Variants in RABGAP1L observed in about 807,000 individuals in gnomAD.
RABGAP1L encodes RAB GTPase activating protein 1 like, also known as rab GTPase-activating protein 1-like.
Under a neutral mutation model 137.7 loss-of-function variants are expected in RABGAP1L, and 63 were observed. The ratio of observed to expected loss-of-function variants is 0.46; its 90% confidence interval spans 0.37 to 0.56. The LOEUF is 0.56. RABGAP1L is among the 20% of genes least tolerant of loss of function. RABGAP1L has a pLI of 0.00. For synonymous variants in RABGAP1L, 431 were observed against 433.7 expected, an observed-to-expected ratio of 0.99 and a Z score of 0.08; for missense variants, 1,095 against 1,244.0, an observed-to-expected ratio of 0.88 and a Z score of 1.80.
At chr1:174,598,112 C>T (rs868307434) in intron 13 of RABGAP1L, among the ~76,000 whole-genome samples, 15 of 152,000 alleles carry the variant, frequency 9.9e-5, no homozygotes, top group Non-Finnish European at 1.6e-4. Flanking sequence ...GGGCAGATCA[C>T]GAGGTCAGGA....
chr1:174,794,663 A>G (rs1688110023), intron 18 of RABGAP1L, among the ~76,000 whole-genome samples: 1 of 152,076 alleles, frequency 6.6e-6, no homozygotes, highest in Admixed American at 6.6e-5. Flanking sequence ...TTACTCTTGG[A>G]TTTTTGTCTA....
chr1:174,410,482 C>T (rs1649794353), intron 13 of RABGAP1L, among the ~76,000 whole-genome samples: 1 of 152,128 alleles, frequency 6.6e-6, no homozygotes, highest in Non-Finnish European at 1.5e-5. Context: ...TAAGTCTTTT[C>T]ACCATTTATT....
At chr1:174,873,528 T>C (rs1174455942) in intron 19 of RABGAP1L, among the ~76,000 whole-genome samples, 9 of 126,048 alleles carry the variant, frequency 7.1e-5, no homozygotes, top group African/African-American at 2.0e-4. Context: ...TTTTTTTTTT[T>C]CCGAGATGGA....
chr1:174,429,962 T>C lies in RABGAP1L; in HGVS notation c.1710+35817T>C, dbSNP rs183540798. On this transcript the variant is annotated intron_variant, in intron 13 of 25. Coordinates refer to ENST00000681986, the MANE Select transcript of RABGAP1L (RefSeq NM_001366446.1). ...GTTACTGAATTTTGGTCACTAGTTA[T>C]TAGCAAGGAACATATGAAACTAAAG... 1.6e-3 allele frequency among the ~76,000 whole-genome samples: 245 copies of C among 152,318 alleles called. 4 individuals carry two copies. Among genetic ancestry groups the C allele is most frequent in the Non-Finnish European group, 2.0e-3 (133 of 68,030 alleles).
In RABGAP1L at chr1:174,520,500, C is replaced by T. The variant is rs534717196; in HGVS notation, c.1711-116875C>T. On this transcript the variant is annotated intron_variant, in intron 13 of 25. Transcript: ENST00000681986. Reference sequence around the variant, plus strand: ...AAACTGAATTGTTTTTACTTTCTCACTAATCATTTCTTGACTGCTATAGAA... The same window carrying T: ...AAACTGAATTGTTTTTACTTTCTCATTAATCATTTCTTGACTGCTATAGAA... Among the ~76,000 whole-genome samples the T allele has an allele frequency of 1.1e-4, 16 of 152,310 alleles. No homozygotes were observed. In the East Asian group the frequency reaches 3.1e-3, roughly 29 times the overall value.
rs1260112613 is a variant in RABGAP1L at position 174,326,681 on chromosome 1, A to C, written c.1465+21554A>C. Among the ~76,000 whole-genome samples, 3 of 152,338 alleles carry C rather than the reference A, an allele frequency of 2.0e-5. No homozygotes were observed. In the East Asian group the frequency reaches 5.8e-4, roughly 29 times the overall value. The stretch of plus-strand genomic sequence containing the variant: ...AAGAAAATTTTTGAAAACTGGAGAA[A>C]TATACAAATATCCAGGTATAACAAG... On this transcript the variant is annotated intron_variant, in intron 11 of 25. Coordinates refer to ENST00000681986, the MANE Select transcript of RABGAP1L (RefSeq NM_001366446.1).
At chr1:174,885,245 T>C (rs1310271618) in intron 19 of RABGAP1L, among the ~76,000 whole-genome samples, 1 of 152,216 alleles carries the variant, frequency 6.6e-6, no homozygotes, top group Non-Finnish European at 1.5e-5. Flanking sequence ...ACCTGTAAGA[T>C]TAAATCAAAA....
chr1:174,660,973 A>AT (rs1298158840), intron 14 of RABGAP1L, among the ~76,000 whole-genome samples: 4 of 152,124 alleles, frequency 2.6e-5, no homozygotes, highest in African/African-American at 7.2e-5. Context: ...TATGAGAGCA[A>AT]TTTTTTGTCC....
chr1:174,475,936 A>G (rs1217228232), intron 13 of RABGAP1L, among the ~76,000 whole-genome samples: 2 of 152,040 alleles, frequency 1.3e-5, no homozygotes, highest in Non-Finnish European at 2.9e-5. Flanking sequence ...ACATTATACC[A>G]GTATATAACA....
chr1:174,886,171 C>T (rs1655086567), intron 19 of RABGAP1L, among the ~76,000 whole-genome samples: 1 of 151,930 alleles, frequency 6.6e-6, no homozygotes, highest in African/African-American at 2.4e-5. Context: ...CACCACCACG[C>T]CTGGGTAATT....
chr1:174,743,899 A>AT, intron 17 of RABGAP1L, among the ~76,000 whole-genome samples: 1 of 151,946 alleles, frequency 6.6e-6, no homozygotes, highest in South Asian at 2.1e-4. Context: ...AAAAAACTGT[A>AT]TAACAAATAA....
At chr1:174,636,146 T>C (rs756855783) in intron 13 of RABGAP1L, among the ~76,000 whole-genome samples, 4 of 152,164 alleles carry the variant, frequency 2.6e-5, no homozygotes, top group Non-Finnish European at 5.9e-5. Flanking sequence ...ATCAAGAGAA[T>C]GTTTAATCAT....
At chr1:174,750,758 A>G (rs1684281392) in intron 17 of RABGAP1L, among the ~76,000 whole-genome samples, 1 of 152,236 alleles carries the variant, frequency 6.6e-6, no homozygotes, top group African/African-American at 2.4e-5. Flanking sequence ...AACAAGAACC[A>G]GAGAAATAGT....
intron 11 of RABGAP1L, among the ~76,000 whole-genome samples, chr1:174,357,014 G>A (rs1683700590): frequency 6.6e-6 from 1 of 152,106 alleles, no homozygotes; most frequent in Non-Finnish European, 1.5e-5. Context: ...ATGACATCTT[G>A]TATACTCTGT....
chr1:174,817,888 C>T (rs939796209), intron 19 of RABGAP1L, among the ~76,000 whole-genome samples: 1 of 152,094 alleles, frequency 6.6e-6, no homozygotes, highest in Non-Finnish European at 1.5e-5. Flanking sequence ...ACATGTGAGC[C>T]TCAGGGCAGA....
At chr1:174,530,485 A>G (rs1476683495) in intron 13 of RABGAP1L, among the ~76,000 whole-genome samples, 1 of 152,134 alleles carries the variant, frequency 6.6e-6, no homozygotes, top group Admixed American at 6.5e-5. Context: ...TGTTAGTTTC[A>G]GAGCCTGTAA....
At chr1:174,874,638 C>T (rs1213195742) in intron 19 of RABGAP1L, 1 of 399,082 alleles carries the variant, frequency 2.5e-6, no homozygotes, top group Non-Finnish European at 3.3e-6. Flanking sequence ...GCGATAACTG[C>T]AGACACTCAG....
chr1:174,789,987 C>T (rs905804119), intron 18 of RABGAP1L, among the ~76,000 whole-genome samples: 1 of 152,020 alleles, frequency 6.6e-6, no homozygotes, highest in Non-Finnish European at 1.5e-5. Context: ...GTGTGCAGAG[C>T]ACTGGAGGCC....
chr1:174,632,528 A>G (rs1386410243), intron 13 of RABGAP1L, among the ~76,000 whole-genome samples: 2 of 150,350 alleles, frequency 1.3e-5, no homozygotes, highest in Admixed American at 1.3e-4. Flanking sequence ...TTTGAGGTAC[A>G]CCAATCAGAC....
Sources: allele counts gnomAD v4.1 joint callset (sites outside exome capture counted in the v4.1 genomes callset), GRCh38; gene constraint gnomAD v4.1.1; transcripts MANE v1.5; gene names NCBI Gene and HGNC (gene_info 2026-07-23, HGNC 2026-07-21).